The following PPP4R2 variants were observed in gnomAD, a reference collection of about 807,000 sequenced individuals.
The protein encoded by PPP4R2 is serine/threonine-protein phosphatase 4 regulatory subunit 2.
In PPP4R2, 13 loss-of-function variants were observed where a neutral mutation model predicts 47.2. That is an observed-to-expected ratio of 0.28 (90% confidence interval 0.18 to 0.44). The LOEUF is 0.44. PPP4R2 is among the 20% of genes least tolerant of loss of function. The probability of loss-of-function intolerance (pLI) is 1.00; values close to 1 mark genes in which losing one functional copy is unlikely to be tolerated. For missense variants in PPP4R2, 421 were observed against 491.2 expected (o/e 0.86, Z 1.35); for synonymous variants, 151 against 163.3 (o/e 0.92, Z 0.57).
intron 5 of PPP4R2, chr3:73,063,128 C>T (rs1575892614): frequency 1.9e-6 from 1 of 520,216 alleles, no homozygotes; most frequent in South Asian, 2.5e-5. Context: ...AACTTAGCAA[C>T]AGCGGCAAAC....
chr3:73,053,907 TC>T (rs1320098332), intron 3 of PPP4R2, among the ~76,000 whole-genome samples: 1 of 37,570 alleles, frequency 2.7e-5, no homozygotes, highest in Non-Finnish European at 5.5e-5. Flanking sequence ...AGACACCATC[TC>T]AAAAAAAAAA....
intron 2 of PPP4R2, among the ~76,000 whole-genome samples, chr3:73,023,504 T>C (rs2107258862): frequency 6.6e-6 from 1 of 152,286 alleles, no homozygotes; most frequent in African/African-American, 2.4e-5. Context: ...ATTTCTTTAA[T>C]GTGCCCTTTT....
In PPP4R2 at chr3:73,068,372, A is replaced by G. The variant is rs2107357326; in HGVS notation, c.*2650A>G. On this transcript the variant is annotated 3_prime_UTR_variant, in exon 9 of 9. Transcript: ENST00000356692. ...AAGATGGTGATGAGGAAAGTGAGAT[A>G]TATATATATATATGTATTATGTTTC... is the stretch of plus-strand genomic sequence containing the variant. 1 of 151,508 alleles carries G rather than the reference A, an allele frequency of 6.6e-6. No individual in the cohort carries two copies. Among genetic ancestry groups the G allele is most frequent in the East Asian group, 1.9e-4 (1 of 5,166 alleles). The allele number at this position is 151,508 out of a possible 1,614,324, so 9.4% of individuals were successfully genotyped here. A position where few individuals can be genotyped will look rare whatever the true frequency, so the allele number is the denominator to read the frequency against.
intron 2 of PPP4R2, among the ~76,000 whole-genome samples, chr3:73,038,221 G>GC (rs1435551724): frequency 1.3e-5 from 2 of 152,188 alleles, no homozygotes; most frequent in Admixed American, 6.5e-5. Context: ...CAGCCATTAA[G>GC]CTAGTACAAG....
intron 2 of PPP4R2, among the ~76,000 whole-genome samples, chr3:73,039,557 G>A (rs559306044): frequency 1.3e-5 from 2 of 152,278 alleles, no homozygotes; most frequent in Admixed American, 1.3e-4. Flanking sequence ...TAGAGAGGTG[G>A]GGAATGGGCC....
intron 3 of PPP4R2, among the ~76,000 whole-genome samples, chr3:73,054,297 T>C (rs1034511703): frequency 2.0e-5 from 3 of 152,200 alleles, no homozygotes; most frequent in African/African-American, 7.2e-5. Context: ...TAACCCAAAA[T>C]TCATAAATAT....
At position 73,003,086 on chromosome 3, in the gene PPP4R2, A is replaced by G. The variant is rs1701513090; in HGVS notation, c.116+4928A>G. Among the ~76,000 whole-genome samples the G allele has an allele frequency of 2.0e-5, 3 of 151,630 alleles. No individual in the cohort carries two copies. The South Asian group carries it at 6.3e-4, about 32-fold the overall frequency. ...AGTCTAAAATAATAATGCGAATATT[A>G]CTGCCACCAATATAATTACTAGGAA... On this transcript the variant is annotated intron_variant, in intron 2 of 8. Coordinates refer to ENST00000356692, the MANE Select transcript of PPP4R2 (RefSeq NM_174907.4).
At chr3:73,052,256 T>TTC (rs1359062601) in intron 3 of PPP4R2, among the ~76,000 whole-genome samples, 3 of 151,374 alleles carry the variant, frequency 2.0e-5, no homozygotes, top group Admixed American at 2.0e-4. Flanking sequence ...CTTTTTTTTT[T>TTC]TGGTCATTTT....
rs377470255 is a variant in PPP4R2, at chr3:72,997,142, A to G, written c.34+71A>G. On this transcript the variant is annotated intron_variant, in intron 1 of 8. Coordinates refer to ENST00000356692, the MANE Select transcript of PPP4R2 (RefSeq NM_174907.4). ...TCGCTCTTCTCTCCTTTCAGGGCGG[A>G]TGGTTCCGAGGACCGGGGCCGGGCG... 8,193 of 1,224,386 alleles carry G rather than the reference A, an allele frequency of 6.7e-3. 47 individuals are homozygous for G. The highest frequency in any genetic ancestry group is 7.4e-3 in the Non-Finnish European group (7,007 of 948,364). The allele number at this position is 1,224,386 out of a possible 1,614,324, so 75.8% of individuals were successfully genotyped here.
intron 2 of PPP4R2, among the ~76,000 whole-genome samples, chr3:73,025,077 T>G (rs1404899152): frequency 1.3e-5 from 2 of 152,086 alleles, no homozygotes; most frequent in Non-Finnish European, 1.5e-5. Flanking sequence ...CTGGCCCTGG[T>G]CAGGTGGGGT....
Position 72,996,911 on chromosome 3 carries a change from C to A in PPP4R2, c.-127C>A, listed in dbSNP as rs546752095. 4.9e-5 allele frequency: 29 copies of A among 588,726 alleles called. 1 individual carries two copies. The highest frequency in any genetic ancestry group is 8.7e-5 in the Admixed American group (2 of 23,024). 36.5% of individuals were successfully genotyped at this position (588,726 alleles called of 1,614,324 possible). The stretch of plus-strand genomic sequence containing the variant: ...TCCCCCGGCTCCCTTCGTTTCCCCC[C>A]CCCGGTCGCCTGCGTGCCGGAGTGT... On this transcript the variant is annotated 5_prime_UTR_variant, in exon 1 of 9. Transcript: ENST00000356692.
intron 2 of PPP4R2, among the ~76,000 whole-genome samples, chr3:73,020,978 A>G (rs990372857): frequency 6.6e-6 from 1 of 152,044 alleles, no homozygotes. Context: ...TCAACACATG[A>G]ATTTTAGTGG....
intron 4 of PPP4R2, 93 bp from the exon 5 acceptor site, chr3:73,060,930 T>C: frequency 1.2e-6 from 1 of 806,934 alleles, no homozygotes; most frequent in Non-Finnish European, 1.9e-6. Flanking sequence ...AATGGGAATT[T>C]AACCCACCAG....
At chr3:73,027,131 CTGTT>C (rs1702082601) in intron 2 of PPP4R2, among the ~76,000 whole-genome samples, 1 of 152,122 alleles carries the variant, frequency 6.6e-6, no homozygotes, top group Non-Finnish European at 1.5e-5. Flanking sequence ...ATCTATTCCC[CTGTT>C]TTTTTGTTTT....
At chr3:73,050,274 A>AT (rs1702584152) in intron 3 of PPP4R2, among the ~76,000 whole-genome samples, 1 of 151,990 alleles carries the variant, frequency 6.6e-6, no homozygotes, top group African/African-American at 2.4e-5. Flanking sequence ...CCGAACTTAC[A>AT]TTTTTTAAAT....
intron 2 of PPP4R2, among the ~76,000 whole-genome samples, chr3:73,025,598 A>G (rs1702048309): frequency 6.6e-6 from 1 of 152,098 alleles, no homozygotes; most frequent in African/African-American, 2.4e-5. Context: ...CTGACAAGGA[A>G]TATTTAGCAG....
chr3:73,021,859 TGTG>T (rs1701966317), intron 2 of PPP4R2, among the ~76,000 whole-genome samples: 2 of 138,058 alleles, frequency 1.4e-5, no homozygotes, highest in Admixed American at 7.8e-5. Context: ...TGTGTGTGTG[TGTG>T]TGTGTGTGTG....
At chr3:73,052,199 A>G (rs1273038351) in intron 3 of PPP4R2, among the ~76,000 whole-genome samples, 1 of 151,240 alleles carries the variant, frequency 6.6e-6, no homozygotes, top group Admixed American at 6.6e-5. Context: ...TATTTTGTCT[A>G]TTGAGGCATA....
At chr3:73,056,983 C>G (rs1702743164) in intron 3 of PPP4R2, among the ~76,000 whole-genome samples, 1 of 151,936 alleles carries the variant, frequency 6.6e-6, no homozygotes, top group African/African-American at 2.4e-5. Flanking sequence ...TGTTGAATAC[C>G]CAAACTGTTG....
Sources: gnomAD v4.1 joint callset for allele counts (sites outside exome capture counted in the v4.1 genomes callset) on GRCh38, gnomAD v4.1.1 for gene constraint, MANE v1.5 for transcripts, NCBI Gene and HGNC (gene_info 2026-07-23, HGNC 2026-07-21) for gene names.